Variants in VAV2 observed in about 807,000 individuals in gnomAD.
The protein encoded by VAV2 is guanine nucleotide exchange factor VAV2.
A neutral mutation model predicts 132.5 loss-of-function variants in VAV2; 67 were observed. The observed-to-expected ratio is 0.51, with a 90% CI of 0.42 to 0.62. The LOEUF (loss-of-function observed/expected upper bound fraction) is 0.62. VAV2 is among the 20% of genes least tolerant of loss of function. VAV2 has a pLI of 0.00. For synonymous variants in VAV2, 492 were observed against 443.5 expected, an observed-to-expected ratio of 1.11 and a Z score of -1.37; for missense variants, 938 against 1,153.6, an observed-to-expected ratio of 0.81 and a Z score of 2.71.
intron 2 of VAV2, among the ~76,000 whole-genome samples, chr9:133,882,056 C>T (rs1019077416): frequency 1.3e-5 from 2 of 152,180 alleles, no homozygotes; most frequent in Non-Finnish European, 2.9e-5. Flanking sequence ...AGATACAGTG[C>T]CGAAAACAAA....
chr9:133,799,748 A>G (rs1250794388), intron 9 of VAV2, among the ~76,000 whole-genome samples: 1 of 152,064 alleles, frequency 6.6e-6, no homozygotes, highest in Admixed American at 6.5e-5. Flanking sequence ...TCATCTCTGG[A>G]AGCAATCGAG....
chr9:133,792,677 GACCCCCCCCCCC>G (rs1158277082), intron 12 of VAV2, among the ~76,000 whole-genome samples: 3 of 58,614 alleles, frequency 5.1e-5, no homozygotes, highest in African/African-American at 9.5e-5. Flanking sequence ...GCCCCCAAGG[GACCCCCCCCCCC>G]ACCCCCCACC....
intron 2 of VAV2, among the ~76,000 whole-genome samples, chr9:133,933,708 T>G (rs1840775400): frequency 1.0e-5 from 1 of 97,936 alleles, no homozygotes; most frequent in Admixed American, 9.8e-5. Flanking sequence ...GGATGGATGG[T>G]GAGTGGGTGG....
intron 1 of VAV2, among the ~76,000 whole-genome samples, chr9:133,989,339 CA>C (rs34368097): frequency 0.59 from 63,337 of 107,116 alleles, 16,102 homozygotes; most frequent in East Asian, 0.82. Flanking sequence ...AACTCCATCT[CA>C]AAAAAAAAAA....
At chr9:133,820,379 A>G (rs2131729941) in intron 4 of VAV2, among the ~76,000 whole-genome samples, 1 of 149,098 alleles carries the variant, frequency 6.7e-6, no homozygotes, top group South Asian at 2.1e-4. Context: ...GCTGAAGTGC[A>G]GTGGCACTAT....
chr9:133,799,606 C>T (rs1834853258), intron 9 of VAV2, among the ~76,000 whole-genome samples: 1 of 152,152 alleles, frequency 6.6e-6, no homozygotes, highest in South Asian at 2.1e-4. Flanking sequence ...TGCAAAGGGC[C>T]TGCCTCCTGC....
intron 3 of VAV2, among the ~76,000 whole-genome samples, chr9:133,842,741 G>T (rs1339181805): frequency 6.6e-6 from 1 of 152,244 alleles, no homozygotes; most frequent in Non-Finnish European, 1.5e-5. Flanking sequence ...ATCTCACCCA[G>T]GCGGAGGCCA....
chr9:133,835,418 G>GA (rs1236510976), intron 3 of VAV2, among the ~76,000 whole-genome samples: 1 of 152,024 alleles, frequency 6.6e-6, no homozygotes, highest in African/African-American at 2.4e-5. Flanking sequence ...AGGGAGGGGT[G>GA]GGGAGGGAGG....
intron 2 of VAV2, among the ~76,000 whole-genome samples, chr9:133,881,727 A>C (rs1462687125): frequency 1.3e-5 from 2 of 152,226 alleles, no homozygotes; most frequent in Non-Finnish European, 2.9e-5. Context: ...GTATAATTTA[A>C]TATTCTATAT....
chr9:133,861,082 T>C (rs1837574945), intron 3 of VAV2: 1 of 358,496 alleles, frequency 2.8e-6, no homozygotes, highest in African/African-American at 2.1e-5. Context: ...TGCATTTAGG[T>C]AGGCAATGAT....
chr9:133,875,915 C>T (rs1838245224), intron 2 of VAV2, among the ~76,000 whole-genome samples: 1 of 152,240 alleles, frequency 6.6e-6, no homozygotes, highest in Non-Finnish European at 1.5e-5. Context: ...TGCCCTCGGG[C>T]CTCACCCAAC....
In VAV2 at chr9:133,884,152, CAAAAA is replaced by C. The variant is rs111848628; in HGVS notation, c.322-22725_322-22721del. Among the ~76,000 whole-genome samples, 1 of 134,612 alleles carries C rather than the reference CAAAAA, an allele frequency of 7.4e-6. No individual in the cohort carries two copies. The highest frequency in any genetic ancestry group is 2.4e-4 in the South Asian group (1 of 4,126). 88.3% of individuals were successfully genotyped at this position (134,612 alleles called of 152,430 possible). On this transcript the variant is annotated intron_variant, in intron 2 of 29. Coordinates refer to ENST00000371850, the MANE Select transcript of VAV2 (RefSeq NM_001134398.2). This position sits in a 1 kb window ranked among gnomAD's most constrained non-coding sequence, Gnocchi z 5.3. ...GGCAACAGCCAGACTCAGTCTCAAC[CAAAAA>C]AAAAAAATGATTCTAGCAACTCATG...
At chr9:133,783,882 T>C (rs1834112707) in intron 18 of VAV2, among the ~76,000 whole-genome samples, 1 of 147,082 alleles carries the variant, frequency 6.8e-6, no homozygotes, top group African/African-American at 2.5e-5. Context: ...GGGCCGTTTT[T>C]TTTTTTTTTT....
chr9:133,933,952 G>GGTGGA (rs57228303), intron 2 of VAV2, among the ~76,000 whole-genome samples: 1 of 130,044 alleles, frequency 7.7e-6, no homozygotes, highest in African/African-American at 3.2e-5. Flanking sequence ...TGGATGGATG[G>GGTGGA]TGGATGGATG....
At chr9:133,899,073 G>A (rs1027637674) in intron 2 of VAV2, among the ~76,000 whole-genome samples, 16 of 151,688 alleles carry the variant, frequency 1.1e-4, no homozygotes, top group African/African-American at 1.9e-4. Flanking sequence ...CGCCCGCCTC[G>A]GCCTCCCAAA....
intron 29 of VAV2, among the ~76,000 whole-genome samples, chr9:133,764,526 T>C (rs1230056574): frequency 1.3e-5 from 2 of 152,154 alleles, no homozygotes; most frequent in African/African-American, 2.4e-5. Flanking sequence ...CTCTAATTCA[T>C]ACGTTTAAGA....
chr9:133,964,022 C>CATATATAT (rs10541639), intron 1 of VAV2, among the ~76,000 whole-genome samples: 2,055 of 93,676 alleles, frequency 0.022, 32 homozygotes, highest in Non-Finnish European at 0.026. Flanking sequence ...ATTATTCATT[C>CATATATAT]ATATATATAT....
intron 1 of VAV2, among the ~76,000 whole-genome samples, chr9:133,978,157 C>A (rs1044006897): frequency 6.6e-6 from 1 of 152,198 alleles, no homozygotes; most frequent in Non-Finnish European, 1.5e-5. Flanking sequence ...CTGGGCAGGG[C>A]TGGGGAAACT....
rs182229792 is a variant in VAV2 at position 133,910,586 on chromosome 9, G to A, written c.321+28517C>T. Among the ~76,000 whole-genome samples the A allele has an allele frequency of 1.7e-3, 251 of 151,744 alleles. 1 individual carries two copies. The highest frequency in any genetic ancestry group is 5.7e-3 in the African/African-American group (236 of 41,378). ...AGCACTTTGGGAGGCTGAGGCCGGC[G>A]GATCACGAGGTCAGGAGATCAAGAC... On this transcript the variant is annotated intron_variant, in intron 2 of 29. Coordinates refer to ENST00000371850, the MANE Select transcript of VAV2 (RefSeq NM_001134398.2).
Sources: gnomAD v4.1 joint callset for allele counts (sites outside exome capture counted in the v4.1 genomes callset) on GRCh38, gnomAD v4.1.1 for gene constraint, Gnocchi (gnomAD v3.1) non-coding constraint, MANE v1.5 for transcripts, NCBI Gene and HGNC (gene_info 2026-07-23, HGNC 2026-07-21) for gene names.